Variants in CCDC141 observed in about 807,000 individuals in gnomAD.
CCDC141 encodes the protein coiled-coil domain containing 141.
In CCDC141, 168 loss-of-function variants were observed where a neutral mutation model predicts 181.0. The ratio of observed to expected loss-of-function variants is 0.93; its 90% confidence interval spans 0.82 to 1.05. The LOEUF (loss-of-function observed/expected upper bound fraction) is 1.05, where lower values mean the gene tolerates loss of function less well. CCDC141 is among the 50% of genes least tolerant of loss of function. The pLI, the probability that CCDC141 is intolerant of heterozygous loss-of-function variation, is 0.00. For missense variants in CCDC141, 1,902 were observed against 1,788.5 expected (o/e 1.06, Z -1.14); for synonymous variants, 666 against 642.3 (o/e 1.04, Z -0.56).
chr2:178,885,017 A>C lies in CCDC141; in HGVS notation c.1603T>G (p.Ser535Ala). The change falls in exon 11 of 24, where the codon TCA becomes GCA. Residue 535 changes from serine to alanine, a missense_variant. Ser to Ala is a moderately conservative substitution (Grantham distance 99). Coordinates refer to ENST00000443758, the MANE Select transcript of CCDC141 (RefSeq NM_173648.4). ...AGCCATCTAGCTTTAGAGGAAAGTG[A>C]TACCATTTCATCAGATACAAATTCA... ...KNEFVSDEMV[S>A]LSSKARWLAE... 1.3e-6 allele frequency: 2 copies of C among 1,550,420 alleles called. No individual in the cohort carries two copies. Among genetic ancestry groups the C allele is most frequent in the Non-Finnish European group, 1.7e-6 (2 of 1,146,798 alleles).
At position 178,886,789 on chromosome 2, in the gene CCDC141, A is replaced by T; in HGVS notation, c.1490T>A (p.Ile497Asn). ...ATCTAGTTCCAGATATTTATTCAAA[A>T]TCTTCTCTGATTCAGAACGGGTAGA... The part of the protein sequence containing the change: ...VGSTRSESEK[I>N]LNKYLELDIQ... The change falls in exon 10 of 24, where the codon ATT becomes AAT. Residue 497 changes from isoleucine to asparagine, a missense_variant. Coordinates refer to ENST00000443758, the MANE Select transcript of CCDC141 (RefSeq NM_173648.4). 6.1e-6 allele frequency: 9 copies of T among 1,473,130 alleles called. No homozygotes were observed. The highest frequency in any genetic ancestry group is 8.2e-6 in the Non-Finnish European group (9 of 1,103,874). The allele number at this position is 1,473,130 out of a possible 1,614,324, so 91.3% of individuals were successfully genotyped here.
intron 7 of CCDC141, among the ~76,000 whole-genome samples, chr2:178,909,813 T>TA (rs375370117): frequency 8.5e-5 from 13 of 152,360 alleles, no homozygotes; most frequent in African/African-American, 2.9e-4. Flanking sequence ...GACCCCCATG[T>TA]AAACTCCTTT....
intron 6 of CCDC141, among the ~76,000 whole-genome samples, chr2:178,932,603 T>C (rs369821815): frequency 7.9e-5 from 12 of 152,234 alleles, no homozygotes; most frequent in Non-Finnish European, 1.6e-4. Flanking sequence ...TTTTTGTGTA[T>C]ACATACACAC....
At chr2:178,825,023 T>A (rs1684100138), downstream of CCDC141, among the ~76,000 whole-genome samples, 1 of 152,130 alleles carries the variant, frequency 6.6e-6, no homozygotes, top group Admixed American at 6.6e-5. Flanking sequence ...AGACCAAAAA[T>A]TACTCTCAAG....
intron 16 of CCDC141, among the ~76,000 whole-genome samples, chr2:178,867,683 A>G (rs1276552355): frequency 6.6e-6 from 1 of 152,216 alleles, no homozygotes; most frequent in Non-Finnish European, 1.5e-5. Flanking sequence ...AAATTAATGC[A>G]AGTTAAATAA....
intron 5 of CCDC141, among the ~76,000 whole-genome samples, chr2:178,946,855 A>C (rs1689752959): frequency 6.6e-6 from 1 of 152,218 alleles, no homozygotes; most frequent in African/African-American, 2.4e-5. Context: ...GACATACGAT[A>C]ATGTTCAGTG....
rs1553495348 is a variant in CCDC141 at position 178,981,657 on chromosome 2, T to TATATATATATATATATATAC, written c.226-2983_226-2982insGTATATATATATATATATAT. ...GTGTGTATATATATATATATATATA[T>TATATATATATATATATATAC]ACATACATATATACATATATATATA... On this transcript the variant is annotated intron_variant, in intron 2 of 23. Coordinates refer to ENST00000443758, the MANE Select transcript of CCDC141 (RefSeq NM_173648.4). 8.9e-4 allele frequency among the ~76,000 whole-genome samples: 118 copies of TATATATATATATATATATAC among 132,026 alleles called. 3 individuals carry two copies. The highest frequency in any genetic ancestry group is 3.0e-3 in the African/African-American group (106 of 35,058). 86.6% of individuals were successfully genotyped at this position (132,026 alleles called of 152,430 possible).
At position 178,837,465 on chromosome 2, in the gene CCDC141, G is replaced by A. The variant is rs1316880962; in HGVS notation, c.3754C>T (p.Gln1252Ter). 1.9e-6 allele frequency: 3 copies of A among 1,613,952 alleles called. No individual in the cohort carries two copies. The highest frequency in any genetic ancestry group is 2.5e-6 in the Non-Finnish European group (3 of 1,179,966). ...LSLHISSYGV[Q>*]AGTSSPGDAQ... ...TCCCCTGGGCTGCTGGTCCCAGCCT[G>A]CACCCCATAGCTGCTTATGTGAAGG... Residue 1252 changes from glutamine (Q) to a stop codon, truncating the protein, a stop_gained, in exon 23 of 24, where the codon CAG (glutamine) becomes TAG (stop). Coordinates refer to ENST00000443758, the MANE Select transcript of CCDC141 (RefSeq NM_173648.4). LOFTEE classifies it high-confidence loss of function.
At chr2:178,998,845 C>T (rs1692403207) in intron 2 of CCDC141, among the ~76,000 whole-genome samples, 1 of 151,984 alleles carries the variant, frequency 6.6e-6, no homozygotes, top group Non-Finnish European at 1.5e-5. Flanking sequence ...ATCATTTGGG[C>T]AACTTTTTCA....
chr2:178,989,593 CA>C (rs1204459331), intron 2 of CCDC141, among the ~76,000 whole-genome samples: 21 of 76,628 alleles, frequency 2.7e-4, no homozygotes, highest in African/African-American at 9.2e-4. Context: ...GACCCTGCCT[CA>C]AAAAAAAAAA....
At chr2:179,010,847 C>G (rs1372863785) in intron 2 of CCDC141, among the ~76,000 whole-genome samples, 2 of 152,082 alleles carry the variant, frequency 1.3e-5, no homozygotes, top group Non-Finnish European at 2.9e-5. Context: ...ATGTAAATGC[C>G]TAAATGCTCC....
At chr2:178,944,314 T>C (rs1689641163) in intron 6 of CCDC141, among the ~76,000 whole-genome samples, 1 of 152,100 alleles carries the variant, frequency 6.6e-6, no homozygotes, top group Non-Finnish European at 1.5e-5. Context: ...TTCAGAAAAA[T>C]ATAGTTATTG....
intron 8 of CCDC141, among the ~76,000 whole-genome samples, chr2:178,894,214 G>C (rs1687300888): frequency 6.6e-6 from 1 of 152,094 alleles, no homozygotes; most frequent in Non-Finnish European, 1.5e-5. Flanking sequence ...GTGTGACCCT[G>C]ATCAAATAAC....
chr2:179,004,932 A>T (rs552744328), intron 2 of CCDC141, among the ~76,000 whole-genome samples: 2 of 152,170 alleles, frequency 1.3e-5, no homozygotes, highest in South Asian at 4.2e-4. Context: ...GGGTTTTGCC[A>T]TGTTGGCCAG....
intron 2 of CCDC141, among the ~76,000 whole-genome samples, chr2:179,040,360 C>G (rs2043262424): frequency 6.6e-6 from 1 of 152,200 alleles, no homozygotes; most frequent in South Asian, 2.1e-4. Context: ...GGAAACCCCT[C>G]TTCTTTCTTT....
chr2:178,881,080 G>A (rs1314534818), intron 11 of CCDC141, among the ~76,000 whole-genome samples: 1 of 152,138 alleles, frequency 6.6e-6, no homozygotes, highest in Non-Finnish European at 1.5e-5. Context: ...GCAAAAGAGA[G>A]GGCACAGGCA....
chr2:178,920,695 T>TACACACACAC (rs59015092), intron 6 of CCDC141, among the ~76,000 whole-genome samples: 13 of 146,772 alleles, frequency 8.9e-5, no homozygotes, highest in East Asian at 6.0e-4. Context: ...CTGAACTCCA[T>TACACACACAC]ACACACACAC....
intron 22 of CCDC141, among the ~76,000 whole-genome samples, chr2:178,839,035 A>G (rs1439905970): frequency 6.6e-6 from 1 of 152,214 alleles, no homozygotes; most frequent in Non-Finnish European, 1.5e-5. Context: ...ACTGATGCAT[A>G]TAGGAAAGTC....
chr2:179,044,784 T>G (rs1355117331), intron 2 of CCDC141, among the ~76,000 whole-genome samples: 1 of 152,142 alleles, frequency 6.6e-6, no homozygotes, highest in African/African-American at 2.4e-5. Flanking sequence ...GTCAGAAACT[T>G]CAAGTAAGTA....
Sources: allele counts gnomAD v4.1 joint callset (sites outside exome capture counted in the v4.1 genomes callset), GRCh38; gene constraint gnomAD v4.1.1; transcripts MANE v1.5; gene names NCBI Gene and HGNC (gene_info 2026-07-23, HGNC 2026-07-21).